Variants in PHKB observed in about 807,000 individuals in gnomAD.
PHKB encodes phosphorylase b kinase regulatory subunit beta.
A neutral mutation model predicts 152.1 loss-of-function variants in PHKB; 122 were observed. The observed-to-expected ratio is 0.80, with a 90% confidence interval of 0.69 to 0.93. The LOEUF is 0.93. Among genes scored for constraint, PHKB ranks in the 40% least tolerant of loss-of-function variants. The pLI is 0.00. For synonymous variants in PHKB, 436 were observed against 464.9 expected (o/e 0.94, Z 0.80); for missense variants, 1,304 against 1,328.4 (o/e 0.98, Z 0.29).
chr16:47,678,590 G>A (rs1349801249), intron 26 of PHKB, among the ~76,000 whole-genome samples: 2 of 151,758 alleles, frequency 1.3e-5, no homozygotes, highest in African/African-American at 2.4e-5. Flanking sequence ...GTCTGTTCAT[G>A]TCCTTCGCCC....
chr16:47,663,224 C>G (rs958583706), intron 23 of PHKB, among the ~76,000 whole-genome samples: 2 of 152,096 alleles, frequency 1.3e-5, no homozygotes, highest in Non-Finnish European at 1.5e-5. Flanking sequence ...TGAGCAGTAG[C>G]ATATGTTGGA....
intron 14 of PHKB, among the ~76,000 whole-genome samples, chr16:47,612,205 A>G (rs1419097826): frequency 6.6e-6 from 1 of 152,230 alleles, no homozygotes; most frequent in African/African-American, 2.4e-5. Context: ...TGACTGAGCC[A>G]TTTTAAGACT....
intron 28 of PHKB, among the ~76,000 whole-genome samples, chr16:47,695,663 G>C (rs938233422): frequency 1.3e-5 from 2 of 152,134 alleles, no homozygotes; most frequent in African/African-American, 4.8e-5. Flanking sequence ...CTGCCTCTCT[G>C]GTAATGATCT....
intron 1 of PHKB, among the ~76,000 whole-genome samples, chr16:47,486,408 G>C (rs59327309): frequency 1.6e-3 from 240 of 152,332 alleles, no homozygotes; most frequent in African/African-American, 5.3e-3. Flanking sequence ...ATTGCCTGAA[G>C]ATGATGTAAT....
chr16:47,579,727 T>A (rs978245481), intron 7 of PHKB, among the ~76,000 whole-genome samples: 11 of 152,116 alleles, frequency 7.2e-5, no homozygotes, highest in African/African-American at 2.2e-4. Context: ...TAGTATTCAT[T>A]TTATTATAAA....
chr16:47,513,608 C>T (rs372105019), intron 5 of PHKB, among the ~76,000 whole-genome samples: 6 of 152,184 alleles, frequency 3.9e-5, no homozygotes, highest in African/African-American at 1.2e-4. Flanking sequence ...CTGCCCAAAG[C>T]CTCCAGGGCA....
In PHKB at chr16:47,499,834, C is replaced by T; in HGVS notation, c.245C>T (p.Ala82Val). The T allele has an allele frequency of 6.2e-7, 1 of 1,614,162 alleles. No individual in the cohort carries two copies. The change falls in exon 3 of 31, where the codon GCC becomes GTC. Residue 82 changes from alanine to valine, a missense_variant. By Grantham distance (64) the Ala-to-Val change is moderately conservative. Coordinates refer to ENST00000323584, the MANE Select transcript of PHKB (RefSeq NM_000293.3). Reference protein sequence around the residue: ...PTKTCGGDQKAKIQDSLYCAA... With the variant: ...PTKTCGGDQKVKIQDSLYCAA... Reference sequence around the variant, plus strand: ...AAAACATGCGGTGGTGACCAGAAGGCCAAGATCCAGGACAGCCTATACTGC... The same window carrying T: ...AAAACATGCGGTGGTGACCAGAAGGTCAAGATCCAGGACAGCCTATACTGC...
intron 23 of PHKB, among the ~76,000 whole-genome samples, chr16:47,662,619 T>G (rs1973463911): frequency 6.6e-6 from 1 of 152,220 alleles, no homozygotes; most frequent in South Asian, 2.1e-4. Context: ...AGCTAAGAGA[T>G]AACCTTCTTC....
chr16:47,503,219 G>C, intron 4 of PHKB, 129 bp downstream of exon 4: 2 of 734,248 alleles, frequency 2.7e-6, no homozygotes, highest in Non-Finnish European at 4.8e-6. Flanking sequence ...GGGCGGCCTA[G>C]ATAGGTTAAC....
chr16:47,506,233 A>C, intron 4 of PHKB, among the ~76,000 whole-genome samples: 1 of 151,920 alleles, frequency 6.6e-6, no homozygotes, highest in East Asian at 1.9e-4. Context: ...GAGTGATAAC[A>C]AGTCTTCTTC....
Position 47,538,428 on chromosome 16 carries a change from A to G in PHKB, c.595-9005A>G, listed in dbSNP as rs147520385. ...AGTTTACTGTGGGATGTACTGTTCT[A>G]CCCTTGGGTGAAGAGATTCTGGAAT... On this transcript the variant is annotated intron_variant, in intron 6 of 30. Coordinates refer to ENST00000323584, the MANE Select transcript of PHKB (RefSeq NM_000293.3). Among the ~76,000 whole-genome samples, 929 of 152,256 alleles carry G rather than the reference A, an allele frequency of 6.1e-3. 13 individuals carry two copies. Among genetic ancestry groups the G allele is most frequent in the African/African-American group, 0.021 (858 of 41,560 alleles).
chr16:47,464,220 C>G (rs769691658), intron 1 of PHKB: 2 of 540,108 alleles, frequency 3.7e-6, no homozygotes, highest in Non-Finnish European at 6.7e-6. Flanking sequence ...GTGCCTGCCC[C>G]GATATTTGCA....
At chr16:47,615,567 A>C (rs1173651511) in intron 14 of PHKB, among the ~76,000 whole-genome samples, 2 of 152,186 alleles carry the variant, frequency 1.3e-5, no homozygotes, top group African/African-American at 4.8e-5. Flanking sequence ...CTTTTTTTCT[A>C]TGCCTATTGG....
At position 47,610,841 on chromosome 16, in the gene PHKB, G is replaced by C. The variant is rs1048627089; in HGVS notation, c.1379G>C (p.Ser460Thr). ...IAKLLADELISPKDIDPVQRY... is the reference protein window; with the variant it reads ...IAKLLADELITPKDIDPVQRY... ...TTTTTTTCAGCTGATGAACTTATTA[G>C]TCCTAAAGACATTGATCCTGTCCAG... The change falls in exon 14 of 31, where the codon AGT (serine) becomes ACT (threonine). Residue 460 changes from serine to threonine, a missense_variant. Ser to Thr is a moderately conservative substitution (Grantham distance 58). Coordinates refer to ENST00000323584, the MANE Select transcript of PHKB (RefSeq NM_000293.3). The C allele has an allele frequency of 1.2e-5, 20 of 1,602,276 alleles. No homozygotes were observed. Among genetic ancestry groups the C allele is most frequent in the Non-Finnish European group, 1.7e-5 (20 of 1,169,646 alleles).
intron 16 of PHKB, 22 bp from the exon 17 acceptor site, chr16:47,648,511 T>C (rs1394305870): frequency 2.6e-6 from 4 of 1,537,294 alleles, no homozygotes; most frequent in East Asian, 2.2e-5. Context: ...CTGACTCTAA[T>C]TTACAAACTT....
Position 47,511,768 on chromosome 16 carries a change from T to G in PHKB, c.509T>G (p.Leu170Arg). Reference protein sequence around the residue: ...ELLSYEEYGHLQINAVSLYLL... With the variant: ...ELLSYEEYGHRQINAVSLYLL... ...CTTTCCTATGAGGAATATGGTCATCTTCAGGTAAAAAGAGATTATACATTT... is the reference window on the plus strand; with the variant it reads ...CTTTCCTATGAGGAATATGGTCATCGTCAGGTAAAAAGAGATTATACATTT... Residue 170 changes from leucine (L) to arginine (R), a missense_variant, in exon 5 of 31, where the codon CTT becomes CGT. Transcript: ENST00000323584. 1 of 1,541,124 alleles carries G rather than the reference T, an allele frequency of 6.5e-7. No homozygotes were observed. Among genetic ancestry groups the G allele is most frequent in the South Asian group, 1.1e-5 (1 of 89,632 alleles).
At chr16:47,616,620 A>G (rs1286122038) in intron 14 of PHKB, among the ~76,000 whole-genome samples, 4 of 146,628 alleles carry the variant, frequency 2.7e-5, no homozygotes, top group Non-Finnish European at 6.0e-5. Flanking sequence ...TATAAATATC[A>G]TATATTAATA....
intron 4 of PHKB, among the ~76,000 whole-genome samples, chr16:47,505,986 CTCATTGCT>C (rs1567283660): frequency 1.4e-5 from 2 of 145,060 alleles, no homozygotes; most frequent in Non-Finnish European, 3.0e-5. Flanking sequence ...GAGCTGAGAT[CTCATTGCT>C]TCCCAGCATG....
chr16:47,499,401 T>TA (rs1231774621), intron 2 of PHKB, among the ~76,000 whole-genome samples: 2 of 152,222 alleles, frequency 1.3e-5, no homozygotes, highest in East Asian at 3.8e-4. Context: ...AACTGATTTT[T>TA]AAAAAATATT....
Sources: allele counts gnomAD v4.1 joint callset (sites outside exome capture counted in the v4.1 genomes callset), GRCh38; gene constraint gnomAD v4.1.1; transcripts MANE v1.5; gene names NCBI Gene and HGNC (gene_info 2026-07-23, HGNC 2026-07-21).